SLC35A3: variants seen among roughly 807,000 people sequenced by gnomAD.
SLC35A3 encodes UDP-N-acetylglucosamine transporter.
Under a neutral mutation model 39.0 loss-of-function variants are expected in SLC35A3, and 26 were observed. That is an observed-to-expected ratio of 0.67 (90% confidence interval 0.49 to 0.92). The LOEUF (loss-of-function observed/expected upper bound fraction) is 0.92. Among genes scored for constraint, SLC35A3 ranks in the 40% least tolerant of loss-of-function variants. The probability of loss-of-function intolerance (pLI) is 0.00; values close to 1 mark genes in which losing one functional copy is unlikely to be tolerated. For missense variants in SLC35A3, 299 were observed against 371.6 expected (o/e 0.80, Z 1.61); for synonymous variants, 135 against 133.1 (o/e 1.01, Z -0.10).
rs767680002 is a variant in SLC35A3, at chr1:100,017,719, A to G, written c.791A>G (p.Tyr264Cys). The change falls in exon 7 of 8, where the codon TAT becomes TGT. Residue 264 changes from tyrosine to cysteine, a missense_variant. Coordinates refer to ENST00000533028, the MANE Select transcript of SLC35A3 (RefSeq NM_012243.3). ...CTTGTAATAGCTGCTGTTATTAAGT[A>G]TGCAGATAATATTTTAAAAGGATTT... ...GGLVIAAVIK[Y>C]ADNILKGFAT... 2 of 1,575,164 alleles carry G rather than the reference A, an allele frequency of 1.3e-6. No individual in the cohort carries two copies. Among genetic ancestry groups the G allele is most frequent in the Non-Finnish European group, 1.7e-6 (2 of 1,161,254 alleles).
At chr1:100,001,110 G>A (rs1658759917) in intron 3 of SLC35A3, among the ~76,000 whole-genome samples, 1 of 151,990 alleles carries the variant, frequency 6.6e-6, no homozygotes, top group Non-Finnish European at 1.5e-5. Context: ...GGTTACTATA[G>A]CCTTGTAGTA....
rs1408173127 is a variant in SLC35A3 at position 100,033,355 on chromosome 1, TCTAG to T, written c.*10882_*10885del. 6.6e-6 allele frequency: 1 copy of T among 151,862 alleles called. No homozygotes were observed. The highest frequency in any genetic ancestry group is 2.4e-5 in the African/African-American group (1 of 41,348). The allele number at this position is 151,862 out of a possible 1,614,324, so 9.4% of individuals were successfully genotyped here. A position where few individuals can be genotyped will look rare whatever the true frequency, so the allele number is the denominator to read the frequency against. Reference sequence around the variant, plus strand: ...ATATGAAAAGTGTACTCTGAAAAAATCTAGCTGTCATACCTATCCCTCCATTCCT... The same window carrying T: ...ATATGAAAAGTGTACTCTGAAAAAATCTGTCATACCTATCCCTCCATTCCT... On this transcript the variant is annotated 3_prime_UTR_variant, in exon 8 of 8. Coordinates refer to ENST00000533028, the MANE Select transcript of SLC35A3 (RefSeq NM_012243.3).
rs1278279484 is a variant in SLC35A3 at position 100,027,725 on chromosome 1, C to G, written c.*5249C>G. The G allele has an allele frequency of 6.6e-6, 1 of 152,046 alleles. No individual in the cohort carries two copies. Among genetic ancestry groups the G allele is most frequent in the Non-Finnish European group, 1.5e-5 (1 of 68,020 alleles). 9.4% of individuals were successfully genotyped at this position (152,046 alleles called of 1,614,324 possible). On this transcript the variant is annotated 3_prime_UTR_variant, in exon 8 of 8. Transcript: ENST00000533028. ...AGTCCTATCTCTACTGCTGAAGTAA[C>G]CTTACACAAAATACTTTGTAAAAAA...
At position 100,028,370 on chromosome 1, in the gene SLC35A3, C is replaced by T. The variant is rs2101539938; in HGVS notation, c.*5894C>T. 6.6e-6 allele frequency: 1 copy of T among 152,514 alleles called. No homozygotes were observed. The highest frequency in any genetic ancestry group is 2.4e-5 in the African/African-American group (1 of 41,528). 9.4% of individuals were successfully genotyped at this position (152,514 alleles called of 1,614,324 possible). A position where few individuals can be genotyped will look rare whatever the true frequency, so the allele number is the denominator to read the frequency against. Reference sequence around the variant, plus strand: ...CAAGGTCTTCCTCCCGTTGCCTAGGCTGGAGTGCGGTGACACAATCTTGGC... The same window carrying T: ...CAAGGTCTTCCTCCCGTTGCCTAGGTTGGAGTGCGGTGACACAATCTTGGC... On this transcript the variant is annotated 3_prime_UTR_variant, in exon 8 of 8. Coordinates refer to ENST00000533028, the MANE Select transcript of SLC35A3 (RefSeq NM_012243.3).
chr1:99,999,121 G>T, intron 2 of SLC35A3, 140 bp from the exon 3 acceptor site: 1 of 452,898 alleles, frequency 2.2e-6, no homozygotes, highest in Non-Finnish European at 3.9e-6. Flanking sequence ...GCATCATAAA[G>T]ATATATTTTA....
At chr1:100,014,298 G>A (rs1330280972) in intron 5 of SLC35A3, among the ~76,000 whole-genome samples, 1 of 152,154 alleles carries the variant, frequency 6.6e-6, no homozygotes, top group Non-Finnish European at 1.5e-5. Context: ...ATAGCCCACT[G>A]TAACCTCAAA....
intron 1 of SLC35A3, among the ~76,000 whole-genome samples, chr1:99,975,655 G>A (rs1657066647): frequency 6.6e-6 from 1 of 152,208 alleles, no homozygotes; most frequent in South Asian, 2.1e-4. Context: ...GAACAAGACT[G>A]AGACAGGTAA....
At chr1:100,005,799 T>C (rs190265122) in intron 3 of SLC35A3, among the ~76,000 whole-genome samples, 241 of 152,320 alleles carry the variant, frequency 1.6e-3, no homozygotes, top group Non-Finnish European at 2.7e-3. Flanking sequence ...CACTAAACTT[T>C]CTAGATATCA....
At chr1:100,004,153 T>C (rs1022008747) in intron 3 of SLC35A3, among the ~76,000 whole-genome samples, 53 of 152,252 alleles carry the variant, frequency 3.5e-4, no homozygotes, top group African/African-American at 1.3e-3. Flanking sequence ...CCTGTCATTT[T>C]GTCAGTTGTT....
In SLC35A3 at chr1:100,033,057, T is replaced by C. The variant is rs1302925938; in HGVS notation, c.*10581T>C. Reference sequence around the variant, plus strand: ...CCAGTGAATGGAATTTATTATAGAATCCATTGTTACTGAGCTGTCATTGTT... The same window carrying C: ...CCAGTGAATGGAATTTATTATAGAACCCATTGTTACTGAGCTGTCATTGTT... On this transcript the variant is annotated 3_prime_UTR_variant, in exon 8 of 8. Coordinates refer to ENST00000533028, the MANE Select transcript of SLC35A3 (RefSeq NM_012243.3). 1 of 152,198 alleles carries C rather than the reference T, an allele frequency of 6.6e-6. No homozygotes were observed. The highest frequency in any genetic ancestry group is 2.4e-5 in the African/African-American group (1 of 41,446). 9.4% of individuals were successfully genotyped at this position (152,198 alleles called of 1,614,324 possible).
intron 6 of SLC35A3, among the ~76,000 whole-genome samples, chr1:100,016,622 C>T (rs1348146289): frequency 6.6e-6 from 1 of 152,040 alleles, no homozygotes; most frequent in African/African-American, 2.4e-5. Flanking sequence ...ATCCGCCCAC[C>T]TCGGCCTCCC....
At position 100,022,488 on chromosome 1, in the gene SLC35A3, CT is replaced by C; in HGVS notation, c.*15del. The C allele has an allele frequency of 6.9e-7, 1 of 1,446,780 alleles. No individual in the cohort carries two copies. Among genetic ancestry groups the C allele is most frequent in the Non-Finnish European group, 9.6e-7 (1 of 1,039,210 alleles). 89.6% of individuals were successfully genotyped at this position (1,446,780 alleles called of 1,614,324 possible). A position where few individuals can be genotyped will look rare whatever the true frequency, so the allele number is the denominator to read the frequency against. ...CCACTAAAGCATAGTTGTATACTATCTTTAACTGGTTTTTCACGATGGGGCA... is the reference window on the plus strand; with the variant it reads ...CCACTAAAGCATAGTTGTATACTATCTTAACTGGTTTTTCACGATGGGGCA... On this transcript the variant is annotated 3_prime_UTR_variant, in exon 8 of 8. Transcript: ENST00000533028.
rs2101505295 is a variant in SLC35A3, at chr1:100,022,867, TATATC to T, written c.*393_*397del. 1 of 153,996 alleles carries T rather than the reference TATATC, an allele frequency of 6.5e-6. No individual in the cohort carries two copies. The highest frequency in any genetic ancestry group is 1.5e-5 in the Non-Finnish European group (1 of 68,934). 9.5% of individuals were successfully genotyped at this position (153,996 alleles called of 1,614,324 possible). The stretch of plus-strand genomic sequence containing the variant: ...TTTTATCTTACTCTTTCTGTACAGA[TATATC>T]AAATCACATGAAATATTTAAAGTTT... On this transcript the variant is annotated 3_prime_UTR_variant, in exon 8 of 8. Coordinates refer to ENST00000533028, the MANE Select transcript of SLC35A3 (RefSeq NM_012243.3).
At chr1:99,978,994 A>G (rs1657284763) in intron 1 of SLC35A3, 1 of 152,236 alleles carries the variant, frequency 6.6e-6, no homozygotes, top group South Asian at 2.1e-4. Flanking sequence ...GAAGATTAGC[A>G]TGGCCCTTGC....
chr1:99,970,531 C>T, intron 1 of SLC35A3: 1 of 1,533,828 alleles, frequency 6.5e-7, no homozygotes, highest in Non-Finnish European at 8.7e-7. Context: ...CTTCAGTGAA[C>T]ATCCCATGAG....
chr1:99,989,285 T>G (rs1308570184), intron 1 of SLC35A3, among the ~76,000 whole-genome samples: 1 of 152,090 alleles, frequency 6.6e-6, no homozygotes, highest in South Asian at 2.1e-4. Context: ...TTTTTTTGTT[T>G]TGTTTTGTTT....
chr1:99,993,466 G>A (rs541377867), intron 1 of SLC35A3, 71 bp from the exon 2 acceptor site: 59 of 1,280,932 alleles, frequency 4.6e-5, no homozygotes, highest in Admixed American at 2.9e-4. Flanking sequence ...TCTCCCTCTC[G>A]GTGTTTTTAA....
chr1:100,016,484 C>T (rs1387883271), intron 6 of SLC35A3, among the ~76,000 whole-genome samples: 1 of 151,608 alleles, frequency 6.6e-6, no homozygotes, highest in Non-Finnish European at 1.5e-5. Flanking sequence ...CGCCATTCTC[C>T]TGCCTCAGCC....
Position 100,027,538 on chromosome 1 carries a change from C to T in SLC35A3, c.*5062C>T, listed in dbSNP as rs1194482294. On this transcript the variant is annotated 3_prime_UTR_variant, in exon 8 of 8. Transcript: ENST00000533028. Reference sequence around the variant, plus strand: ...AATTTATCTTTCTATATGTTAATAACAGCCTAACAGATTTTTTGTTTTAAA... The same window carrying T: ...AATTTATCTTTCTATATGTTAATAATAGCCTAACAGATTTTTTGTTTTAAA... 2 of 196,820 alleles carry T rather than the reference C, an allele frequency of 1.0e-5. No homozygotes were observed. The highest frequency in any genetic ancestry group is 2.0e-5 in the Non-Finnish European group (2 of 97,672). 12.2% of individuals were successfully genotyped at this position (196,820 alleles called of 1,614,324 possible).
Sources: gnomAD v4.1 joint callset for allele counts (sites outside exome capture counted in the v4.1 genomes callset) on GRCh38, gnomAD v4.1.1 for gene constraint, MANE v1.5 for transcripts, NCBI Gene and HGNC (gene_info 2026-07-23, HGNC 2026-07-21) for gene names.